The following EPB41L4B variants were observed in gnomAD, a reference collection of about 807,000 sequenced individuals.
EPB41L4B encodes band 4.1-like protein 4B.
EPB41L4B carries 30 observed loss-of-function variants against 112.5 expected under a neutral mutation model. The observed-to-expected ratio is 0.27, with a 90% CI of 0.20 to 0.36. The LOEUF is 0.36. EPB41L4B is among the 10% of genes least tolerant of loss of function. EPB41L4B has a pLI of 1.00. For synonymous variants in EPB41L4B, 408 were observed against 439.7 expected (o/e 0.93, Z 0.90); for missense variants, 1,024 against 1,133.3 (o/e 0.90, Z 1.38).
chr9:109,304,876 G>T (rs1463598036), intron 1 of EPB41L4B, among the ~76,000 whole-genome samples: 5 of 152,178 alleles, frequency 3.3e-5, no homozygotes, highest in African/African-American at 1.2e-4. Context: ...GGCTGTCGGG[G>T]TTAGGAACAG....
At position 109,306,359 on chromosome 9, in the gene EPB41L4B, C is replaced by T. The variant is rs1452484926; in HGVS notation, c.306+13782G>A. 2.0e-5 allele frequency among the ~76,000 whole-genome samples: 3 copies of T among 152,166 alleles called. No individual in the cohort carries two copies. In the East Asian group the frequency reaches 5.8e-4, roughly 29 times the overall value. ...AGGCGTGGTGGCTCACGCCTGTAACCCCAGCACTTTGGGAGGCCGAGGTGG... is the reference window on the plus strand; with the variant it reads ...AGGCGTGGTGGCTCACGCCTGTAACTCCAGCACTTTGGGAGGCCGAGGTGG... On this transcript the variant is annotated intron_variant, in intron 1 of 25. Transcript: ENST00000374566.
intron 1 of EPB41L4B, among the ~76,000 whole-genome samples, chr9:109,290,248 G>A (rs572449702): frequency 6.6e-6 from 1 of 152,272 alleles, no homozygotes; most frequent in East Asian, 1.9e-4. Flanking sequence ...TGCTAATAAT[G>A]AAAAAGCAAG....
intron 1 of EPB41L4B, among the ~76,000 whole-genome samples, chr9:109,312,744 AACTC>A (rs987357686): frequency 3.9e-5 from 6 of 152,180 alleles, no homozygotes; most frequent in Admixed American, 1.3e-4. Flanking sequence ...TTTCAAAGGC[AACTC>A]ACTCACTCAC....
intron 1 of EPB41L4B, among the ~76,000 whole-genome samples, chr9:109,292,575 T>A (rs1253837418): frequency 2.0e-5 from 3 of 152,140 alleles, no homozygotes; most frequent in African/African-American, 7.2e-5. Flanking sequence ...GTGCCTCCCA[T>A]CCCAGTGGCT....
intron 1 of EPB41L4B, among the ~76,000 whole-genome samples, chr9:109,281,996 T>C (rs923836909): frequency 6.6e-6 from 1 of 152,216 alleles, no homozygotes; most frequent in Non-Finnish European, 1.5e-5. Context: ...CCCAAATATC[T>C]ATCAACTGAT....
At chr9:109,223,204 C>T (rs903329740) in intron 15 of EPB41L4B, among the ~76,000 whole-genome samples, 11 of 152,088 alleles carry the variant, frequency 7.2e-5, no homozygotes, top group African/African-American at 2.4e-4. Context: ...TTTTGGGAGG[C>T]CAAGGCAGGA....
chr9:109,259,067 A>G (rs1387683048), intron 6 of EPB41L4B, among the ~76,000 whole-genome samples: 2 of 152,098 alleles, frequency 1.3e-5, no homozygotes, highest in Non-Finnish European at 2.9e-5. Context: ...CCCCAGAATG[A>G]AAAGGAATCC....
intron 15 of EPB41L4B, among the ~76,000 whole-genome samples, chr9:109,238,645 T>C (rs530043346): frequency 6.6e-6 from 1 of 152,058 alleles, no homozygotes; most frequent in South Asian, 2.1e-4. Flanking sequence ...AAGCTGTAAG[T>C]GCAACGTTGC....
chr9:109,203,787 G>A, intron 18 of EPB41L4B, 57 bp from the exon 19 acceptor site: 2 of 1,407,334 alleles, frequency 1.4e-6, no homozygotes, highest in Non-Finnish European at 2.0e-6. Flanking sequence ...TGCAAAAAAT[G>A]TTTTCAAGTC....
intron 2 of EPB41L4B, among the ~76,000 whole-genome samples, chr9:109,268,723 C>T (rs553166457): frequency 2.1e-4 from 32 of 151,860 alleles, no homozygotes; most frequent in Non-Finnish European, 3.8e-4. Flanking sequence ...ACGGTGAAAC[C>T]CCGTCTCTAC....
intron 15 of EPB41L4B, among the ~76,000 whole-genome samples, chr9:109,219,817 T>C (rs1297206239): frequency 6.6e-6 from 1 of 152,136 alleles, no homozygotes; most frequent in Non-Finnish European, 1.5e-5. Context: ...CCTGAAAGTA[T>C]TGTGAGTCTA....
chr9:109,306,825 A>G (rs1245155971), intron 1 of EPB41L4B, among the ~76,000 whole-genome samples: 1 of 152,174 alleles, frequency 6.6e-6, no homozygotes, highest in Non-Finnish European at 1.5e-5. Context: ...GAGTAAAGCA[A>G]TGCTTTGAAG....
chr9:109,255,960 T>C (rs772553113), intron 9 of EPB41L4B, 117 bp from the exon 10 acceptor site: 21 of 1,246,330 alleles, frequency 1.7e-5, no homozygotes, highest in Non-Finnish European at 2.3e-5. Flanking sequence ...AAAACATTCA[T>C]CCAAGTGTGA....
intron 17 of EPB41L4B, among the ~76,000 whole-genome samples, chr9:109,213,256 G>A (rs903873661): frequency 6.6e-6 from 1 of 152,220 alleles, no homozygotes; most frequent in Non-Finnish European, 1.5e-5. Flanking sequence ...AATAGGTCTA[G>A]TCAAAAGGGG....
At chr9:109,280,523 C>A (rs1835993331) in intron 1 of EPB41L4B, among the ~76,000 whole-genome samples, 1 of 152,178 alleles carries the variant, frequency 6.6e-6, no homozygotes, top group Non-Finnish European at 1.5e-5. Flanking sequence ...GGGGTCAAGT[C>A]CTGCATCTGC....
At chr9:109,250,804 C>A (rs760928838) in intron 13 of EPB41L4B, among the ~76,000 whole-genome samples, 1 of 152,200 alleles carries the variant, frequency 6.6e-6, no homozygotes, top group Non-Finnish European at 1.5e-5. Context: ...AAAAACTATA[C>A]CCCTTGGGCC....
chr9:109,233,881 C>A (rs1834045320), intron 15 of EPB41L4B, among the ~76,000 whole-genome samples: 1 of 152,134 alleles, frequency 6.6e-6, no homozygotes, highest in Non-Finnish European at 1.5e-5. Context: ...CTCATTCAAG[C>A]CTTCCCTTTC....
At chr9:109,262,964 C>A in intron 6 of EPB41L4B, 86 bp downstream of exon 6, 2 of 934,004 alleles carry the variant, frequency 2.1e-6, no homozygotes, top group Non-Finnish European at 3.3e-6. Context: ...AAGCTAAGCA[C>A]TGGGCCTGGT....
intron 20 of EPB41L4B, among the ~76,000 whole-genome samples, chr9:109,195,781 C>T (rs559059946): frequency 6.6e-6 from 1 of 152,266 alleles, no homozygotes; most frequent in Admixed American, 6.5e-5. Context: ...AAAACCATAG[C>T]TCATTTTTCA....
Sources: gnomAD v4.1 joint callset for allele counts (sites outside exome capture counted in the v4.1 genomes callset) on GRCh38, gnomAD v4.1.1 for gene constraint, MANE v1.5 for transcripts, NCBI Gene and HGNC (gene_info 2026-07-23, HGNC 2026-07-21) for gene names.